CPEB3: variants seen among roughly 807,000 people sequenced by gnomAD.
CPEB3 encodes the protein cytoplasmic polyadenylation element binding protein 3.
CPEB3 carries 20 observed loss-of-function variants against 67.2 expected under a neutral mutation model. The observed-to-expected ratio is 0.30, with a 90% CI of 0.21 to 0.43. CPEB3 has a LOEUF of 0.43. Among genes scored for constraint, CPEB3 ranks in the 20% least tolerant of loss-of-function variants. The pLI is 1.00. For missense variants in CPEB3, 746 were observed against 968.6 expected (o/e 0.77, Z 3.05); for synonymous variants, 376 against 393.1 (o/e 0.96, Z 0.51).
At chr10:92,063,435 C>T (rs1271775700) in intron 9 of CPEB3, among the ~76,000 whole-genome samples, 1 of 152,194 alleles carries the variant, frequency 6.6e-6, no homozygotes. Context: ...GCCTCTGTTA[C>T]AGTCTGTCTT....
At chr10:92,122,926 T>G (rs1266453339) in intron 6 of CPEB3, among the ~76,000 whole-genome samples, 1 of 152,238 alleles carries the variant, frequency 6.6e-6, no homozygotes. Flanking sequence ...ACACTCTGCT[T>G]AGATTCAGAA....
chr10:92,240,472 A>T, intron 1 of CPEB3, 111 bp from the exon 2 acceptor site: 5 of 1,017,560 alleles, frequency 4.9e-6, no homozygotes, highest in Non-Finnish European at 6.9e-6. Context: ...GCTACTAGCC[A>T]ATTGCAATGC....
chr10:92,083,629 C>T (rs551274672), intron 8 of CPEB3, among the ~76,000 whole-genome samples: 1 of 152,222 alleles, frequency 6.6e-6, no homozygotes. Flanking sequence ...AACCTCAGGA[C>T]CCTGTAAATT....
At chr10:92,173,449 T>G (rs1848093885) in intron 4 of CPEB3, among the ~76,000 whole-genome samples, 1 of 152,128 alleles carries the variant, frequency 6.6e-6, no homozygotes, top group Non-Finnish European at 1.5e-5. Flanking sequence ...TACCATTCTA[T>G]TTTTCAGGAA....
chr10:92,067,532 T>C (rs1564751152), intron 9 of CPEB3, among the ~76,000 whole-genome samples: 4 of 146,330 alleles, frequency 2.7e-5, no homozygotes, highest in African/African-American at 1.0e-4. Context: ...AAAATTAAAG[T>C]GGCAGGCTGG....
intron 1 of CPEB3, among the ~76,000 whole-genome samples, chr10:92,250,858 AT>A (rs1211646953): frequency 0.15 from 15,651 of 102,882 alleles, 823 homozygotes; most frequent in Middle Eastern, 0.22. Flanking sequence ...CACACAGTTA[AT>A]TTTTTTTTTT....
At chr10:92,280,136 A>G (rs1842197887) in intron 1 of CPEB3, among the ~76,000 whole-genome samples, 2 of 152,170 alleles carry the variant, frequency 1.3e-5, no homozygotes, top group South Asian at 2.1e-4. Context: ...TGTTGTCAAG[A>G]GTTCGAGACA....
chr10:92,147,645 A>G lies in CPEB3; in HGVS notation c.1223-2560T>C, dbSNP rs1356035594. Among the ~76,000 whole-genome samples the G allele has an allele frequency of 2.0e-5, 3 of 152,162 alleles. No individual in the cohort carries two copies. The East Asian group carries it at 5.8e-4, about 29-fold the overall frequency. ...ACAGGCAAGTACATAAATAATTATA[A>G]AACAGAGATGTGCTAAGAGAAGACT... On this transcript the variant is annotated intron_variant, in intron 4 of 9. Transcript: ENST00000265997.
chr10:92,282,547 G>C (rs1842344391), intron 1 of CPEB3, among the ~76,000 whole-genome samples: 2 of 152,124 alleles, frequency 1.3e-5, no homozygotes, highest in Admixed American at 6.6e-5. Context: ...AATTAGCCAG[G>C]TGTGGTGGCG....
chr10:92,216,290 G>C (rs543610369), intron 2 of CPEB3: 1 of 1,543,930 alleles, frequency 6.5e-7, no homozygotes, highest in Non-Finnish European at 8.8e-7. Flanking sequence ...ATAAAATTTG[G>C]CTGGGCAGCC....
intron 8 of CPEB3, among the ~76,000 whole-genome samples, chr10:92,091,201 CA>C: frequency 6.6e-6 from 1 of 152,026 alleles, no homozygotes; most frequent in Non-Finnish European, 1.5e-5. Flanking sequence ...ACAGTGGCAA[CA>C]GTAACTTTTT....
intron 9 of CPEB3, among the ~76,000 whole-genome samples, chr10:92,063,806 C>T (rs1037221416): frequency 1.3e-5 from 2 of 150,982 alleles, no homozygotes; most frequent in Non-Finnish European, 2.9e-5. Context: ...TCCTAAGGCA[C>T]GTAAAGCATG....
At chr10:92,262,418 A>G (rs1324582404) in intron 1 of CPEB3, among the ~76,000 whole-genome samples, 1 of 152,240 alleles carries the variant, frequency 6.6e-6, no homozygotes, top group Non-Finnish European at 1.5e-5. Context: ...ATAATTTTGT[A>G]CAACTCTAAG....
intron 2 of CPEB3, among the ~76,000 whole-genome samples, chr10:92,230,167 T>C (rs1221786511): frequency 6.6e-6 from 1 of 152,224 alleles, no homozygotes; most frequent in African/African-American, 2.4e-5. Flanking sequence ...ATTTAATGAA[T>C]ACCTACTAAG....
intron 2 of CPEB3, among the ~76,000 whole-genome samples, chr10:92,197,422 C>A (rs1333987895): frequency 6.6e-6 from 1 of 152,142 alleles, no homozygotes; most frequent in African/African-American, 2.4e-5. Context: ...ATACAGAAAA[C>A]CAGGCCACAA....
chr10:92,141,495 G>T (rs1248431037), intron 6 of CPEB3, among the ~76,000 whole-genome samples: 2 of 150,964 alleles, frequency 1.3e-5, no homozygotes, highest in African/African-American at 4.9e-5. Context: ...GTGGGGGGAT[G>T]GGGGAGGGAT....
intron 2 of CPEB3, among the ~76,000 whole-genome samples, chr10:92,202,535 T>A (rs1165261873): frequency 6.6e-6 from 1 of 150,476 alleles, no homozygotes; most frequent in African/African-American, 2.5e-5. Flanking sequence ...ATTAAAAATA[T>A]AAAAATTTTA....
chr10:92,281,869 C>A (rs1842311397), intron 1 of CPEB3, among the ~76,000 whole-genome samples: 3 of 152,086 alleles, frequency 2.0e-5, no homozygotes, highest in Non-Finnish European at 4.4e-5. Context: ...TCTACTGTTG[C>A]CGGTGCCATC....
intron 7 of CPEB3, among the ~76,000 whole-genome samples, chr10:92,092,297 C>G (rs757339056): frequency 1.3e-5 from 2 of 152,168 alleles, no homozygotes; most frequent in African/African-American, 4.8e-5. Context: ...CAACGTGTCA[C>G]AGTACACCAC....
Sources: allele counts gnomAD v4.1 joint callset (sites outside exome capture counted in the v4.1 genomes callset), GRCh38; gene constraint gnomAD v4.1.1; transcripts MANE v1.5; gene names NCBI Gene and HGNC (gene_info 2026-07-23, HGNC 2026-07-21).